TBC1D1: variants seen among roughly 807,000 people sequenced by gnomAD.
TBC1D1 encodes the protein TBC1 domain family member 1, also known as TBC1 (tre-2/USP6, BUB2, cdc16) domain family, member 1.
A neutral mutation model predicts 125.6 loss-of-function variants in TBC1D1; 89 were observed. That is an observed-to-expected ratio of 0.71 (90% CI 0.60 to 0.85). The LOEUF is 0.85. TBC1D1 is among the 40% of genes least tolerant of loss of function. TBC1D1 has a pLI of 0.00. For synonymous variants in TBC1D1, 565 were observed against 564.1 expected, an observed-to-expected ratio of 1.00 and a Z score of -0.02; for missense variants, 1,377 against 1,469.2, an observed-to-expected ratio of 0.94 and a Z score of 1.03.
intron 2 of TBC1D1, among the ~76,000 whole-genome samples, chr4:38,000,872 A>G (rs1052531997): frequency 2.6e-5 from 4 of 152,206 alleles, no homozygotes; most frequent in African/African-American, 9.6e-5. Context: ...ATTTGCTAGA[A>G]TGGCCCACAG....
At chr4:37,894,276 G>C (rs537643240) in intron 1 of TBC1D1, among the ~76,000 whole-genome samples, 3 of 152,172 alleles carry the variant, frequency 2.0e-5, no homozygotes, top group East Asian at 1.9e-4. Context: ...TGTGAGCCAC[G>C]GCGCCCGACC....
At chr4:38,083,785 G>C (rs1756989040) in intron 12 of TBC1D1, among the ~76,000 whole-genome samples, 1 of 152,052 alleles carries the variant, frequency 6.6e-6, no homozygotes, top group Admixed American at 6.6e-5. Context: ...ATCTTTTTTT[G>C]CTGAACTTCC....
At chr4:37,922,297 G>A (rs541748415) in intron 2 of TBC1D1, among the ~76,000 whole-genome samples, 1 of 152,146 alleles carries the variant, frequency 6.6e-6, no homozygotes, top group Non-Finnish European at 1.5e-5. Context: ...AATTCAACCC[G>A]TCCTATTGAG....
At chr4:38,045,647 T>A (rs867119809) in intron 9 of TBC1D1, among the ~76,000 whole-genome samples, 170 bp from the exon 10 acceptor site, 7 of 152,232 alleles carry the variant, frequency 4.6e-5, no homozygotes, top group South Asian at 2.1e-4. Flanking sequence ...ATTTATTTTT[T>A]AAAAAAATGA....
chr4:37,969,373 G>A (rs576701084), intron 2 of TBC1D1, among the ~76,000 whole-genome samples: 13 of 152,248 alleles, frequency 8.5e-5, no homozygotes, highest in South Asian at 2.1e-4. Context: ...ACAGAGTTCC[G>A]CTCTTGTCGC....
At chr4:37,905,775 C>T (rs2995918) in intron 2 of TBC1D1, among the ~76,000 whole-genome samples, 76,809 of 152,184 alleles carry the variant, frequency 0.5, 19,644 homozygotes, top group African/African-American at 0.55. Flanking sequence ...CTTCTGCTCT[C>T]AGTAGCCATT....
intron 2 of TBC1D1, chr4:37,952,162 C>T (rs1728017282): frequency 1.4e-6 from 1 of 703,880 alleles, no homozygotes; most frequent in African/African-American, 1.8e-5. Context: ...CTAGTTCATC[C>T]CAGTGGCCCT....
At chr4:38,035,125 G>A (rs1746960127) in intron 7 of TBC1D1, among the ~76,000 whole-genome samples, 1 of 152,154 alleles carries the variant, frequency 6.6e-6, no homozygotes, top group Admixed American at 6.5e-5. Flanking sequence ...TATGGAAGGG[G>A]GTGCCCCATG....
intron 15 of TBC1D1, 90 bp downstream of exon 17, chr4:38,103,247 C>A: frequency 7.3e-7 from 1 of 1,367,892 alleles, no homozygotes; most frequent in Non-Finnish European, 9.9e-7. Context: ...TATTGACCTG[C>A]CTTTAGGTTT....
intron 2 of TBC1D1, among the ~76,000 whole-genome samples, chr4:37,908,759 G>C (rs568042171): frequency 1.3e-5 from 2 of 152,278 alleles, no homozygotes; most frequent in African/African-American, 4.8e-5. Context: ...CAAAAAGGAA[G>C]TCTTATTTCT....
chr4:38,134,438 C>G (rs953586622), intron 19 of TBC1D1, among the ~76,000 whole-genome samples: 15 of 151,862 alleles, frequency 9.9e-5, no homozygotes, highest in African/African-American at 3.6e-4. Flanking sequence ...GAAAATATGC[C>G]TGTATACAAT....
intron 5 of TBC1D1, 30 bp downstream of exon 5, chr4:38,020,725 G>T (rs1743840115): frequency 6.3e-7 from 1 of 1,584,592 alleles, no homozygotes; most frequent in African/African-American, 1.3e-5. Flanking sequence ...TCTTACCTTG[G>T]AACCTTCTTT....
intron 2 of TBC1D1, among the ~76,000 whole-genome samples, chr4:37,976,065 T>G (rs1169628785): frequency 1.3e-5 from 2 of 152,198 alleles, no homozygotes; most frequent in Admixed American, 1.3e-4. Context: ...GCAAAAGTGT[T>G]GGGATGTCAC....
chr4:37,907,797 A>C (rs1717652050), intron 2 of TBC1D1, among the ~76,000 whole-genome samples: 1 of 152,164 alleles, frequency 6.6e-6, no homozygotes, highest in Non-Finnish European at 1.5e-5. Flanking sequence ...GTCTAAGAAA[A>C]TCATCTCAGG....
In TBC1D1 at chr4:37,960,415, G is replaced by C. The variant is rs372957622; in HGVS notation, c.418-54094G>C. 7 of 1,595,750 alleles carry C rather than the reference G, an allele frequency of 4.4e-6. No individual in the cohort carries two copies. The African/African-American group carries it at 9.4e-5, about 22-fold the overall frequency. On this transcript the variant is annotated intron_variant, in intron 2 of 19. Coordinates refer to ENST00000261439, the MANE Select transcript of TBC1D1 (RefSeq NM_015173.4). ...ACGGTCTTAGATGAATGTGGCTGTT[G>C]AGAGCGGCAATAATCCAGAATGGCT...
chr4:37,999,055 C>T (rs1334113556), intron 2 of TBC1D1, among the ~76,000 whole-genome samples: 1 of 152,118 alleles, frequency 6.6e-6, no homozygotes, highest in Non-Finnish European at 1.5e-5. Flanking sequence ...TCAAGACCAG[C>T]CTGGCCAACA....
chr4:37,932,547 T>G (rs1428775554), intron 2 of TBC1D1, among the ~76,000 whole-genome samples: 1 of 152,192 alleles, frequency 6.6e-6, no homozygotes, highest in Non-Finnish European at 1.5e-5. Flanking sequence ...AAGAGAGATA[T>G]GATTTGATAT....
intron 2 of TBC1D1, among the ~76,000 whole-genome samples, chr4:38,012,276 T>TTTG (rs1011662197): frequency 4.6e-5 from 7 of 152,218 alleles, no homozygotes; most frequent in Admixed American, 2.0e-4. Flanking sequence ...ACTATGGCTT[T>TTTG]TTGTTGTTGT....
chr4:38,080,946 T>C (rs1347527953), intron 12 of TBC1D1, among the ~76,000 whole-genome samples: 1 of 152,230 alleles, frequency 6.6e-6, no homozygotes, highest in Non-Finnish European at 1.5e-5. Context: ...TAGAAAGTTA[T>C]ATGAAAGTGT....
Sources: gnomAD v4.1 joint callset for allele counts (sites outside exome capture counted in the v4.1 genomes callset) on GRCh38, gnomAD v4.1.1 for gene constraint, MANE v1.5 for transcripts, NCBI Gene and HGNC (gene_info 2026-07-23, HGNC 2026-07-21) for gene names.